The following POLD1 variants were observed in gnomAD, a reference collection of about 807,000 sequenced individuals.
The protein encoded by POLD1 is DNA polymerase delta 1, catalytic subunit.
Under a neutral mutation model 129.7 loss-of-function variants are expected in POLD1, and 79 were observed. The observed-to-expected ratio is 0.61, with a 90% CI of 0.51 to 0.73. POLD1 has a LOEUF of 0.73. POLD1 is among the 30% of genes least tolerant of loss of function. The pLI, the probability that POLD1 is intolerant of heterozygous loss-of-function variation, is 0.00. For synonymous variants in POLD1, 714 were observed against 683.3 expected, an observed-to-expected ratio of 1.04 and a Z score of -0.70; for missense variants, 1,338 against 1,595.8, an observed-to-expected ratio of 0.84 and a Z score of 2.75.
chr19:50,385,988 T>C (rs2037958227), intron 1 of POLD1, among the ~76,000 whole-genome samples: 1 of 151,996 alleles, frequency 6.6e-6, no homozygotes, highest in South Asian at 2.1e-4. Context: ...GATCATTCAG[T>C]TTGGTTGGGG....
chr19:50,414,803 G>T lies in POLD1; in HGVS notation c.2389-12G>T. ...CCTCAGGCTCAGGGTCTTGGCCATG[G>T]CTCCCTCCCAGGTCTACTTCCCATA... On this transcript the variant is annotated splice_polypyrimidine_tract_variant and intron_variant, in intron 19 of 26. Coordinates refer to ENST00000440232, the MANE Select transcript of POLD1 (RefSeq NM_002691.4). 1 of 1,517,474 alleles carries T rather than the reference G, an allele frequency of 6.6e-7. No homozygotes were observed. Among genetic ancestry groups the T allele is most frequent in the Non-Finnish European group, 8.9e-7 (1 of 1,125,096 alleles). 94.0% of individuals were successfully genotyped at this position (1,517,474 alleles called of 1,614,324 possible). A position where few individuals can be genotyped will look rare whatever the true frequency, so the allele number is the denominator to read the frequency against.
intron 1 of POLD1, among the ~76,000 whole-genome samples, chr19:50,397,743 A>G (rs969050347): frequency 1.3e-5 from 2 of 152,140 alleles, no homozygotes; most frequent in Non-Finnish European, 2.9e-5. Flanking sequence ...AAACACAAAT[A>G]TATATAAGTA....
chr19:50,394,465 A>G (rs1039811538), intron 1 of POLD1, among the ~76,000 whole-genome samples: 1 of 152,112 alleles, frequency 6.6e-6, no homozygotes, highest in African/African-American at 2.4e-5. Context: ...CAGCCTGGCC[A>G]ACATGGTGAA....
At chr19:50,400,133 ATTTTTTTT>A (rs71182715) in intron 3 of POLD1, among the ~76,000 whole-genome samples, 711 of 48,182 alleles carry the variant, frequency 0.015, 11 homozygotes, top group African/African-American at 0.036. Context: ...TTTTTAAAAG[ATTTTTTTT>A]TTTTTTTTTT....
chr19:50,417,854 C>A lies in POLD1; in HGVS notation c.3231C>A (p.Pro1077=), dbSNP rs770660636. 6.2e-7 allele frequency: 1 copy of A among 1,606,062 alleles called. No homozygotes were observed. The highest frequency in any genetic ancestry group is 2.2e-5 in the East Asian group (1 of 44,596). ...EDVICTSRDC[P]IFYMRKKVRK... ...CCCCCACCCGCAGCCGGGACTGCCC[C>A]ATCTTCTACATGCGCAAGAAGGTGC... The change falls in exon 27 of 27, where the codon CCC becomes CCA. Residue 1077 remains proline (P), a synonymous_variant. Transcript: ENST00000440232.
At position 50,401,903 on chromosome 19, in the gene POLD1, T is replaced by C. The variant is rs1412205948; in HGVS notation, c.442T>C (p.Phe148Leu). ...CCHIHGFAPY[F>L]YTPAPPGFGP... The stretch of plus-strand genomic sequence containing the variant: ...CCACATCCACGGCTTCGCTCCCTAC[T>C]TCTACACCCCAGCGCCCCCTGGTGA... Residue 148 changes from phenylalanine (F) to leucine (L), a missense_variant, in exon 4 of 27, where the codon TTC becomes CTC. Phe to Leu is a conservative substitution (Grantham distance 22, BLOSUM62 0). Around this residue, in one of 3 missense-constraint regions of POLD1, gnomAD observed 332 missense variants for 315.7 expected, o/e 1.05. Coordinates refer to ENST00000440232, the MANE Select transcript of POLD1 (RefSeq NM_002691.4). 6.2e-7 allele frequency: 1 copy of C among 1,613,804 alleles called. No homozygotes were observed. Among genetic ancestry groups the C allele is most frequent in the African/African-American group, 1.3e-5 (1 of 74,852 alleles).
intron 17 of POLD1, among the ~76,000 whole-genome samples, chr19:50,411,702 T>C (rs1271428213): frequency 6.7e-6 from 1 of 149,736 alleles, no homozygotes; most frequent in Non-Finnish European, 1.5e-5. Context: ...TAGCCAGGAG[T>C]GGTGGCAGGT....
chr19:50,402,842 G>A (rs994477188), intron 8 of POLD1, 101 bp downstream of exon 8: 44 of 1,467,758 alleles, frequency 3.0e-5, no homozygotes, highest in East Asian at 1.6e-4. Context: ...TGAAGGTGCC[G>A]GGGCAGGAGC....
chr19:50,385,543 T>G (rs1312020062), intron 1 of POLD1, among the ~76,000 whole-genome samples: 1 of 148,884 alleles, frequency 6.7e-6, no homozygotes, highest in Admixed American at 6.6e-5. Context: ...TTTTTTTTTT[T>G]TTTGAGACAG....
Position 50,402,010 on chromosome 19 carries a change from G to A in POLD1, c.475G>A (p.Glu159Lys), listed in dbSNP as rs969950434. ...CCCTCCCACACCAGGTTTCGGGCCC[G>A]AGCACATGGGTGACCTGCAACGGGA... ...YTPAPPGFGP[E>K]HMGDLQRELN... The change falls in exon 5 of 27, where the codon GAG becomes AAG. Residue 159 changes from glutamate (E) to lysine (K), a missense_variant. By Grantham distance (56) the Glu-to-Lys change is moderately conservative. Transcript: ENST00000440232. 8.7e-6 allele frequency: 14 copies of A among 1,613,950 alleles called. No homozygotes were observed. The highest frequency in any genetic ancestry group is 8.3e-5 in the Admixed American group (5 of 60,004).
rs1601202571 is a variant in POLD1, at chr19:50,402,668, A to C, written c.897A>C (p.Pro299=). The change falls in exon 8 of 27, where the codon CCA becomes CCC. Residue 299 remains proline (P), a synonymous_variant. Coordinates refer to ENST00000440232, the MANE Select transcript of POLD1 (RefSeq NM_002691.4). ...TGTGGTCTGACGTGGTCAGTCACCC[A>C]CCGGAAGGGCCATGGCAGCGCATTG... is the stretch of plus-strand genomic sequence containing the variant. ...DVLWSDVVSH[P]PEGPWQRIAP... is the part of the protein sequence containing the mutation. The C allele has an allele frequency of 6.3e-7, 1 of 1,596,828 alleles. No homozygotes were observed. The highest frequency in any genetic ancestry group is 8.5e-7 in the Non-Finnish European group (1 of 1,170,786).
intron 1 of POLD1, among the ~76,000 whole-genome samples, chr19:50,393,532 G>C (rs1215205852): frequency 6.6e-6 from 1 of 152,098 alleles, no homozygotes; most frequent in African/African-American, 2.4e-5. Flanking sequence ...TAGGCATGGT[G>C]GCACGCATCT....
intron 26 of POLD1, 151 bp downstream of exon 26, chr19:50,417,420 C>T (rs2039349579): frequency 1.6e-6 from 1 of 620,412 alleles, no homozygotes; most frequent in Non-Finnish European, 2.8e-6. Context: ...GCCTCAGTGT[C>T]CTTGTCTGAA....
intron 1 of POLD1, among the ~76,000 whole-genome samples, chr19:50,392,216 A>T (rs1168819891): frequency 6.6e-6 from 1 of 152,006 alleles, no homozygotes; most frequent in African/African-American, 2.4e-5. Context: ...GACTGTAGGT[A>T]TGCACCACCA....
rs373125422 is a variant in POLD1, at chr19:50,413,038, G to C, written c.2155-388G>C. 3.2e-4 allele frequency among the ~76,000 whole-genome samples: 48 copies of C among 152,228 alleles called. No homozygotes were observed. The East Asian group carries it at 8.1e-3, about 26-fold the overall frequency. The stretch of plus-strand genomic sequence containing the variant: ...CCAGTTCTGGTGGTACAGGGATGGG[G>C]GTGGCACTGCTGGCTTCCAGGGATG... On this transcript the variant is annotated intron_variant, in intron 17 of 26. Coordinates refer to ENST00000440232, the MANE Select transcript of POLD1 (RefSeq NM_002691.4).
rs868847470 is a variant in POLD1 at position 50,414,990 on chromosome 19, G to T, written c.2564G>T (p.Arg855Leu). 43 of 1,566,112 alleles carry T rather than the reference G, an allele frequency of 2.7e-5. No individual in the cohort carries two copies. Among genetic ancestry groups the T allele is most frequent in the Non-Finnish European group, 3.5e-5 (40 of 1,155,158 alleles). Residue 855 changes from arginine (R) to leucine (L), a missense_variant and splice_region_variant, in exon 20 of 27, where the codon CGA (arginine) becomes CTA (leucine). Arg to Leu is a moderately radical substitution (Grantham distance 102). This residue lies in a region of POLD1 where 720 missense variants were observed against 1,002.6 expected (regional missense o/e 0.72). Coordinates refer to ENST00000440232, the MANE Select transcript of POLD1 (RefSeq NM_002691.4). ...TCACTGCGCCGCCTGCTCATCGACC[G>T]GTGTGTGGGGCCTCCTCCCTCAGAC... ...TASLRRLLID[R>L]DPEGAVAHAQ...
chr19:50,415,654 T>C, intron 21 of POLD1, 64 bp downstream of exon 21: 3 of 1,549,624 alleles, frequency 1.9e-6, no homozygotes, highest in African/African-American at 1.4e-5. Flanking sequence ...CTGGGCCCAC[T>C]TCCTACACCC....
chr19:50,391,700 AG>A (rs909418790), intron 1 of POLD1, among the ~76,000 whole-genome samples: 1 of 30,122 alleles, frequency 3.3e-5, no homozygotes, highest in African/African-American at 1.2e-4. Flanking sequence ...GGGGAGGGGG[AG>A]GGGGAGGGAG....
intron 1 of POLD1, among the ~76,000 whole-genome samples, chr19:50,384,602 G>C (rs1014732756): frequency 1.3e-5 from 2 of 152,020 alleles, no homozygotes; most frequent in African/African-American, 4.8e-5. Context: ...CGGCGGGCAG[G>C]GGGCGCATGC....
Sources: allele counts gnomAD v4.1 joint callset (sites outside exome capture counted in the v4.1 genomes callset), GRCh38; gene constraint gnomAD v4.1.1; regional missense constraint gnomAD v4.1.1; transcripts MANE v1.5; gene names NCBI Gene and HGNC (gene_info 2026-07-23, HGNC 2026-07-21).